The following SLC24A3 variants were observed in gnomAD, a reference collection of about 807,000 sequenced individuals.
The protein encoded by SLC24A3 is sodium/potassium/calcium exchanger 3.
SLC24A3 carries 28 observed loss-of-function variants against 75.8 expected under a neutral mutation model. The observed-to-expected ratio is 0.37, with a 90% CI of 0.27 to 0.51. The LOEUF is 0.51. SLC24A3 is among the 20% of genes least tolerant of loss of function. The pLI is 0.94. For synonymous variants in SLC24A3, 372 were observed against 334.1 expected (o/e 1.11, Z -1.24); for missense variants, 663 against 847.8 (o/e 0.78, Z 2.71).
At chr20:19,393,631 A>G (rs1171812640) in intron 2 of SLC24A3, among the ~76,000 whole-genome samples, 1 of 152,198 alleles carries the variant, frequency 6.6e-6, no homozygotes, top group Non-Finnish European at 1.5e-5. Context: ...TAAAATACTT[A>G]GGAATAAACT....
At chr20:19,453,042 G>C (rs1042299794) in intron 2 of SLC24A3, among the ~76,000 whole-genome samples, 2 of 152,086 alleles carry the variant, frequency 1.3e-5, no homozygotes, top group Non-Finnish European at 2.9e-5. Context: ...ATTTGCCTGC[G>C]TGGTGGCGGG....
intron 2 of SLC24A3, among the ~76,000 whole-genome samples, chr20:19,437,218 A>G (rs1181025309): frequency 1.3e-5 from 2 of 152,184 alleles, no homozygotes; most frequent in Non-Finnish European, 2.9e-5. Flanking sequence ...TGTAATTCCC[A>G]TAATCCCCAA....
At position 19,681,919 on chromosome 20, in the gene SLC24A3, A is replaced by G. The variant is rs2122739505; in HGVS notation, c.829A>G (p.Asn277Asp). The change falls in exon 10 of 17, where the codon AAC (asparagine) becomes GAC (aspartate). Residue 277 changes from asparagine (N) to aspartate (D), a missense_variant. By Grantham distance (23) the Asn-to-Asp change is conservative. Around this residue, in one of 2 missense-constraint regions of SLC24A3, gnomAD observed 510 missense variants for 703.6 expected, o/e 0.72. Transcript: ENST00000328041. Reference protein sequence around the residue: ...RRTKGAGNMVNGLANNAEIDD... With the variant: ...RRTKGAGNMVDGLANNAEIDD... ...GACAAAAGGTGCCGGGAACATGGTC[A>G]ACGGATTGGCCAACAATGCTGAAAT... The G allele has an allele frequency of 6.2e-7, 1 of 1,614,218 alleles. No homozygotes were observed. Among genetic ancestry groups the G allele is most frequent in the East Asian group, 2.2e-5 (1 of 44,888 alleles).
chr20:19,308,026 C>G, intron 2 of SLC24A3, among the ~76,000 whole-genome samples: 1 of 152,148 alleles, frequency 6.6e-6, no homozygotes, highest in East Asian at 1.9e-4. Context: ...CATACTTGAC[C>G]TCATGTCTAC....
intron 2 of SLC24A3, among the ~76,000 whole-genome samples, chr20:19,352,771 T>G (rs1310233817): frequency 6.6e-6 from 1 of 152,218 alleles, no homozygotes; most frequent in Non-Finnish European, 1.5e-5. Flanking sequence ...AGGAATTTCC[T>G]GTACAATCAT....
chr20:19,354,380 T>G (rs1985634135), intron 2 of SLC24A3, among the ~76,000 whole-genome samples: 1 of 152,072 alleles, frequency 6.6e-6, no homozygotes, highest in Middle Eastern at 3.2e-3. Context: ...AGCAGCTCAG[T>G]AATGTTATGG....
chr20:19,619,020 C>T (rs1228155326), intron 6 of SLC24A3, among the ~76,000 whole-genome samples: 1 of 152,178 alleles, frequency 6.6e-6, no homozygotes, highest in African/African-American at 2.4e-5. Context: ...CCACTTTGCT[C>T]CCCGAGTGCC....
chr20:19,440,167 C>T (rs555518317), intron 2 of SLC24A3, among the ~76,000 whole-genome samples: 10 of 152,304 alleles, frequency 6.6e-5, no homozygotes, highest in Non-Finnish European at 1.0e-4. Context: ...TAACTTATTT[C>T]GAAGCTCAGA....
chr20:19,461,139 G>T (rs1281295517), intron 2 of SLC24A3, among the ~76,000 whole-genome samples: 2 of 152,176 alleles, frequency 1.3e-5, no homozygotes, highest in African/African-American at 4.8e-5. Context: ...TTCAGAGGCT[G>T]CTTCTCAGCT....
intron 2 of SLC24A3, among the ~76,000 whole-genome samples, chr20:19,373,695 G>C (rs905599572): frequency 2.0e-5 from 3 of 152,188 alleles, no homozygotes; most frequent in Non-Finnish European, 4.4e-5. Flanking sequence ...AAGTTACGGA[G>C]ATTTTGTCCA....
chr20:19,515,449 T>G (rs964678529), intron 2 of SLC24A3, 39 bp from the exon 3 acceptor site: 2 of 1,602,764 alleles, frequency 1.2e-6, no homozygotes, highest in Non-Finnish European at 1.7e-6. Context: ...GAAAATGTGG[T>G]CACCTGTGCT....
intron 3 of SLC24A3, among the ~76,000 whole-genome samples, chr20:19,522,969 A>G: frequency 6.6e-6 from 1 of 152,194 alleles, no homozygotes; most frequent in East Asian, 1.9e-4. Context: ...ACATATTATT[A>G]TTAACTATAA....
At position 19,595,053 on chromosome 20, in the gene SLC24A3, A is replaced by G. The variant is rs542753237; in HGVS notation, c.612+9509A>G. 3.7e-4 allele frequency among the ~76,000 whole-genome samples: 56 copies of G among 152,326 alleles called. 1 individual carries two copies. Among genetic ancestry groups the G allele is most frequent in the African/African-American group, 1.3e-3 (55 of 41,570 alleles). On this transcript the variant is annotated intron_variant, in intron 6 of 16. Coordinates refer to ENST00000328041, the MANE Select transcript of SLC24A3 (RefSeq NM_020689.4). ...GAATGTGCCATCCCAGTAAACTGCC[A>G]GCCATTGCCCCCAGGAACAGTGTAA...
chr20:19,345,814 AG>A (rs1176595741), intron 2 of SLC24A3, among the ~76,000 whole-genome samples: 1 of 151,912 alleles, frequency 6.6e-6, no homozygotes, highest in Non-Finnish European at 1.5e-5. Context: ...TGTAGTGAAA[AG>A]GGAACACTTT....
intron 2 of SLC24A3, among the ~76,000 whole-genome samples, chr20:19,488,745 T>C (rs1421236804): frequency 1.3e-5 from 2 of 152,224 alleles, no homozygotes; most frequent in Non-Finnish European, 2.9e-5. Flanking sequence ...TTGTGGGTGG[T>C]ACCCAATCTA....
chr20:19,213,880 G>A (rs1358139057), intron 1 of SLC24A3, among the ~76,000 whole-genome samples: 1 of 152,152 alleles, frequency 6.6e-6, no homozygotes, highest in African/African-American at 2.4e-5. Flanking sequence ...TTTATATCCC[G>A]GCCGTGGAAG....
At chr20:19,623,746 A>G (rs74607623) in intron 6 of SLC24A3, among the ~76,000 whole-genome samples, 11,882 of 152,272 alleles carry the variant, frequency 0.078, 628 homozygotes, top group Non-Finnish European at 0.1. Flanking sequence ...AATCACATAC[A>G]TTGTCTTAAT....
chr20:19,587,820 G>A (rs1023506703), intron 6 of SLC24A3, among the ~76,000 whole-genome samples: 2 of 152,142 alleles, frequency 1.3e-5, no homozygotes, highest in Admixed American at 1.3e-4. Context: ...AAGATGAATT[G>A]TAGCATGTTC....
At chr20:19,514,437 C>G (rs2029944262) in intron 2 of SLC24A3, among the ~76,000 whole-genome samples, 1 of 152,200 alleles carries the variant, frequency 6.6e-6, no homozygotes, top group South Asian at 2.1e-4. Context: ...GGTGGTTTCT[C>G]TAAGAACTTG....
Sources: allele counts gnomAD v4.1 joint callset (sites outside exome capture counted in the v4.1 genomes callset), GRCh38; gene constraint gnomAD v4.1.1; regional missense constraint gnomAD v4.1.1; transcripts MANE v1.5; gene names NCBI Gene and HGNC (gene_info 2026-07-23, HGNC 2026-07-21).